The following TBX5 variants were observed in gnomAD, a reference collection of about 807,000 sequenced individuals.
The protein encoded by TBX5 is T-box transcription factor 5.
In TBX5, 8 loss-of-function variants were observed where a neutral mutation model predicts 51.1. That is an observed-to-expected ratio of 0.16 (90% CI 0.09 to 0.28). The LOEUF (loss-of-function observed/expected upper bound fraction) is 0.28. Among genes scored for constraint, TBX5 ranks in the 10% least tolerant of loss-of-function variants. The pLI is 1.00. For missense variants in TBX5, 589 were observed against 671.7 expected (o/e 0.88, Z 1.36); for synonymous variants, 302 against 266.4 (o/e 1.13, Z -1.30).
chr12:114,396,201 C>G (rs1871413809), intron 5 of TBX5, among the ~76,000 whole-genome samples: 3 of 151,874 alleles, frequency 2.0e-5, no homozygotes, highest in African/African-American at 7.2e-5. Context: ...CTGCCCGACC[C>G]CGGGCCGCGC....
chr12:114,406,664 C>A (rs1872247272), upstream of TBX5, among the ~76,000 whole-genome samples: 1 of 152,120 alleles, frequency 6.6e-6, no homozygotes, highest in African/African-American at 2.4e-5. Context: ...GGGCCGAGAT[C>A]AAAGATGCTA....
intron 7 of TBX5, among the ~76,000 whole-genome samples, chr12:114,377,531 T>C (rs1331153774): frequency 2.6e-5 from 4 of 151,868 alleles, no homozygotes; most frequent in Non-Finnish European, 5.9e-5. Context: ...ACTGCAACTA[T>C]AGACACAGGC....
intron 7 of TBX5, among the ~76,000 whole-genome samples, chr12:114,382,881 T>C (rs564319904): frequency 8.4e-5 from 12 of 143,138 alleles, no homozygotes; most frequent in African/African-American, 2.7e-4. Context: ...ACTTGGGAGG[T>C]GGGAGGATCA....
At chr12:114,375,919 C>A (rs1005876749) in intron 7 of TBX5, among the ~76,000 whole-genome samples, 1 of 152,086 alleles carries the variant, frequency 6.6e-6, no homozygotes, top group Non-Finnish European at 1.5e-5. Flanking sequence ...GTGGCACGTG[C>A]CTGTAGTCCC....
At chr12:114,407,218 C>A (rs1274058360), upstream of TBX5, 2 of 542,116 alleles carry the variant, frequency 3.7e-6, no homozygotes, top group Non-Finnish European at 2.4e-6. Flanking sequence ...GGGGAGAAAG[C>A]CAGCCCTCCT....
At chr12:114,408,185 G>T, upstream of TBX5, 1 of 985,364 alleles carries the variant, frequency 1.0e-6, no homozygotes, top group Non-Finnish European at 1.2e-6. Flanking sequence ...CTCCGTCTTC[G>T]CCTATCAGTG....
At chr12:114,388,111 A>G (rs2136401410) in intron 6 of TBX5, among the ~76,000 whole-genome samples, 1 of 152,242 alleles carries the variant, frequency 6.6e-6, no homozygotes, top group South Asian at 2.1e-4. Context: ...GGCCTCCCAA[A>G]GTACAGGGAT....
chr12:114,405,821 C>G lies in TBX5; in HGVS notation c.-232G>C. 2.0e-6 allele frequency: 2 copies of G among 985,614 alleles called. No homozygotes were observed. The highest frequency in any genetic ancestry group is 2.4e-6 in the Non-Finnish European group (2 of 830,064). The allele number at this position is 985,614 out of a possible 1,614,324, so 61.1% of individuals were successfully genotyped here. A position where few individuals can be genotyped will look rare whatever the true frequency, so the allele number is the denominator to read the frequency against. The stretch of plus-strand genomic sequence containing the variant: ...CTCCGCGGCGACTGCCCACCTCCAA[C>G]ACACACCTCCTCTGCTGTGCGCTTG... On this transcript the variant is annotated 5_prime_UTR_variant, in exon 1 of 9. Transcript: ENST00000405440.
rs753308282 is a variant in TBX5 at position 114,355,444 on chromosome 12, C to G, written c.*88G>C. The G allele has an allele frequency of 3.8e-5, 57 of 1,516,274 alleles. No individual in the cohort carries two copies. The highest frequency in any genetic ancestry group is 5.0e-5 in the Non-Finnish European group (56 of 1,109,836). The allele number at this position is 1,516,274 out of a possible 1,614,324, so 93.9% of individuals were successfully genotyped here. ...AATGAAAAATCTTGTCCGTGGGGTT[C>G]TCTTGGCTACTGTCTCTCTCCTTCT... On this transcript the variant is annotated 3_prime_UTR_variant, in exon 9 of 9. Transcript: ENST00000405440.
chr12:114,401,817 C>T lies in TBX5; in HGVS notation c.242+9G>A, dbSNP rs186666277. 1.2e-6 allele frequency: 2 copies of T among 1,613,910 alleles called. No homozygotes were observed. Among genetic ancestry groups the T allele is most frequent in the Admixed American group, 1.7e-5 (1 of 60,026 alleles). The stretch of plus-strand genomic sequence containing the variant: ...CTCGTCCCTCTCTCTACACAACAAA[C>T]CATCTCACCTTCCAGCCTTGGTTAT... On this transcript the variant is annotated intron_variant, in intron 3 of 8. Coordinates refer to ENST00000405440, the MANE Select transcript of TBX5 (RefSeq NM_181486.4).
At chr12:114,385,415 C>T in intron 7 of TBX5, 61 bp downstream of exon 7, 1 of 1,493,674 alleles carries the variant, frequency 6.7e-7, no homozygotes, top group Non-Finnish European at 9.3e-7. Context: ...TTGCTGCTGG[C>T]TTACCTGGGT....
Position 114,372,304 on chromosome 12 carries a change from GT to G in TBX5, c.756-5914del, listed in dbSNP as rs1241894144. On this transcript the variant is annotated intron_variant, in intron 7 of 8. Transcript: ENST00000405440. The stretch of plus-strand genomic sequence containing the variant: ...AGGTTATAAAACTTTCCCATTGTCG[GT>G]TTTTTTCTTTTGTTTTTAAGACAAA... Among the ~76,000 whole-genome samples, 11 of 152,110 alleles carry G rather than the reference GT, an allele frequency of 7.2e-5. No homozygotes were observed. The East Asian group carries it at 1.9e-3, about 27-fold the overall frequency.
At chr12:114,403,709 C>A (rs1871987496) in intron 2 of TBX5, 43 bp downstream of exon 2, 1 of 1,605,340 alleles carries the variant, frequency 6.2e-7, no homozygotes, top group Non-Finnish European at 8.5e-7. Context: ...CAGACTCTGA[C>A]TTTGATCTCT....
At chr12:114,362,153 A>G (rs1380060081) in intron 8 of TBX5, among the ~76,000 whole-genome samples, 5 of 152,234 alleles carry the variant, frequency 3.3e-5, no homozygotes, top group African/African-American at 4.8e-5. Context: ...GGTCGGAGCC[A>G]CCATCTCCTG....
At chr12:114,360,301 A>T (rs1195668615) in intron 8 of TBX5, among the ~76,000 whole-genome samples, 1 of 149,252 alleles carries the variant, frequency 6.7e-6, no homozygotes, top group Non-Finnish European at 1.5e-5. Context: ...CTCAGCCAAC[A>T]TGAAAAGGTA....
intron 8 of TBX5, among the ~76,000 whole-genome samples, chr12:114,364,635 TTC>T (rs982901877): frequency 5.3e-5 from 8 of 152,278 alleles, no homozygotes; most frequent in African/African-American, 1.9e-4. Context: ...AGAGGCAGTC[TTC>T]TCTGGGAAGA....
Position 114,403,890 on chromosome 12 carries a change from G to C in TBX5, c.9C>G (p.Asp3Glu), listed in dbSNP as rs774750288. ...GCGCCAGGCCAAAGCCCTCGTCTGC[G>C]TCGGCCATGGTGCGCCCAGGGCCCT... Reference protein sequence around the residue: MADADEGFGLAHT... With the variant: MAEADEGFGLAHT... Residue 3 changes from aspartate to glutamate, a missense_variant, in exon 2 of 9, where the codon GAC becomes GAG. Asp to Glu is a conservative substitution (Grantham distance 45, BLOSUM62 2). Transcript: ENST00000405440. 2 of 1,612,460 alleles carry C rather than the reference G, an allele frequency of 1.2e-6. No individual in the cohort carries two copies. The highest frequency in any genetic ancestry group is 1.1e-5 in the South Asian group (1 of 91,038).
chr12:114,385,080 C>T (rs1232310365), intron 7 of TBX5, among the ~76,000 whole-genome samples: 5 of 142,496 alleles, frequency 3.5e-5, no homozygotes, highest in Non-Finnish European at 7.5e-5. Context: ...ATTAACTTCT[C>T]TTTCATTTAC....
chr12:114,364,134 G>T (rs1251186666), intron 8 of TBX5, among the ~76,000 whole-genome samples: 1 of 152,204 alleles, frequency 6.6e-6, no homozygotes, highest in Non-Finnish European at 1.5e-5. Context: ...CGCAAGATTG[G>T]TAAATGTCAA....
Sources: allele counts gnomAD v4.1 joint callset (sites outside exome capture counted in the v4.1 genomes callset), GRCh38; gene constraint gnomAD v4.1.1; transcripts MANE v1.5; gene names NCBI Gene and HGNC (gene_info 2026-07-23, HGNC 2026-07-21).